STAT5B: variants seen among roughly 807,000 people sequenced by gnomAD.
STAT5B encodes signal transducer and activator of transcription 5B, also known as transcription factor STAT5B.
Under a neutral mutation model 107.8 loss-of-function variants are expected in STAT5B, and 21 were observed. That is an observed-to-expected ratio of 0.19 (90% confidence interval 0.14 to 0.28). The LOEUF (loss-of-function observed/expected upper bound fraction) is 0.28. Ranked by LOEUF, STAT5B falls within the 10% of genes least tolerant of loss-of-function variation. STAT5B has a pLI of 1.00. For missense variants in STAT5B, 565 were observed against 1,008.2 expected (o/e 0.56, Z 5.95); for synonymous variants, 325 against 401.7 (o/e 0.81, Z 2.28).
chr17:42,218,165 G>A lies in STAT5B; in HGVS notation c.1155C>T (p.Asn385=), dbSNP rs750619589. Residue 385 remains asparagine (N), a synonymous_variant, in exon 9 of 19, where the codon AAC becomes AAT. Transcript: ENST00000293328. The stretch of plus-strand genomic sequence containing the variant: ...TGCACAATTACTTGCGGGTGTTCTC[G>A]TTCTTGAGCAGAGACTTGGCCTGCT... ...SEQQAKSLLK[N]ENTRNDYSGE... The A allele has an allele frequency of 2.4e-5, 38 of 1,614,004 alleles. No homozygotes were observed. The East Asian group carries it at 4.9e-4, about 21-fold the overall frequency.
intron 1 of STAT5B, among the ~76,000 whole-genome samples, chr17:42,247,811 C>T (rs571864153): frequency 3.9e-5 from 6 of 151,946 alleles, no homozygotes; most frequent in South Asian, 2.1e-4. Flanking sequence ...AAAGTAGTAG[C>T]GTGTGGTGGC....
At chr17:42,257,564 TG>T (rs1243677079) in intron 1 of STAT5B, among the ~76,000 whole-genome samples, 2 of 152,214 alleles carry the variant, frequency 1.3e-5, no homozygotes, top group Non-Finnish European at 2.9e-5. Context: ...ATTCCAGCTT[TG>T]GTCCAGGACA....
chr17:42,282,241 C>A, the STAT5B span, among the ~76,000 whole-genome samples: 12 of 152,128 alleles, frequency 7.9e-5, no homozygotes, highest in Non-Finnish European at 1.6e-4. Context: ...GCCTGTAATA[C>A]AGATGGGATT....
chr17:42,260,342 C>A (rs1234764477), intron 1 of STAT5B, among the ~76,000 whole-genome samples: 1 of 152,222 alleles, frequency 6.6e-6, no homozygotes, highest in South Asian at 2.1e-4. Flanking sequence ...AAGATACACA[C>A]CAGATTTTGA....
chr17:42,257,305 A>G (rs528341567), intron 1 of STAT5B, among the ~76,000 whole-genome samples: 1 of 152,334 alleles, frequency 6.6e-6, no homozygotes, highest in South Asian at 2.1e-4. Context: ...TGAATCTTAC[A>G]GGTCAATGAC....
At chr17:42,226,876 A>G (rs2144278789) in intron 3 of STAT5B, among the ~76,000 whole-genome samples, 1 of 148,776 alleles carries the variant, frequency 6.7e-6, no homozygotes, top group South Asian at 2.1e-4. Context: ...TATAATTTCA[A>G]CACTTTGGGA....
intron 1 of STAT5B, among the ~76,000 whole-genome samples, chr17:42,242,806 A>G (rs1171946432): frequency 6.6e-6 from 1 of 152,116 alleles, no homozygotes; most frequent in Non-Finnish European, 1.5e-5. Flanking sequence ...TGTCTCTACT[A>G]AAAATACAAA....
At chr17:42,241,619 T>A (rs2080403769) in intron 1 of STAT5B, among the ~76,000 whole-genome samples, 1 of 151,936 alleles carries the variant, frequency 6.6e-6, no homozygotes, top group Non-Finnish European at 1.5e-5. Context: ...ATTTTTGGAT[T>A]TTTAGTAGAG....
chr17:42,217,109 C>T, intron 11 of STAT5B, 51 bp downstream of exon 11: 2 of 1,579,568 alleles, frequency 1.3e-6, no homozygotes, highest in Non-Finnish European at 8.6e-7. Flanking sequence ...ACATAAAGTA[C>T]ACCACACACA....
intron 1 of STAT5B, among the ~76,000 whole-genome samples, chr17:42,246,680 G>A (rs1476765129): frequency 6.6e-6 from 1 of 152,130 alleles, no homozygotes; most frequent in Non-Finnish European, 1.5e-5. Flanking sequence ...TGCAGTCCAA[G>A]CTACTCAGGA....
At chr17:42,273,764 C>T (rs2080740576) in intron 1 of STAT5B, among the ~76,000 whole-genome samples, 2 of 152,062 alleles carry the variant, frequency 1.3e-5, no homozygotes, top group East Asian at 3.9e-4. Flanking sequence ...AACAACAAGC[C>T]AAATAAACCA....
chr17:42,281,462 G>GT (rs1006069524), upstream of STAT5B, among the ~76,000 whole-genome samples: 2 of 152,166 alleles, frequency 1.3e-5, no homozygotes, highest in African/African-American at 4.8e-5. Context: ...AAAATAGACA[G>GT]TTTTTTTAAA....
chr17:42,213,379 G>A (rs2080144713), intron 12 of STAT5B, among the ~76,000 whole-genome samples: 1 of 151,952 alleles, frequency 6.6e-6, no homozygotes, highest in African/African-American at 2.4e-5. Context: ...GCTAATTTGT[G>A]TGTTTTTTGT....
chr17:42,222,562 G>A (rs556442520), intron 5 of STAT5B, among the ~76,000 whole-genome samples: 1 of 152,238 alleles, frequency 6.6e-6, no homozygotes, highest in African/African-American at 2.4e-5. Flanking sequence ...CCCCCTTAGA[G>A]ATAGGGTCTT....
intron 5 of STAT5B, among the ~76,000 whole-genome samples, chr17:42,222,726 G>C (rs944316506): frequency 6.7e-6 from 1 of 148,340 alleles, no homozygotes; most frequent in African/African-American, 2.5e-5. Context: ...TTTTTGTCCA[G>C]GCTGGAGTGC....
the STAT5B span, among the ~76,000 whole-genome samples, chr17:42,287,106 C>T: frequency 6.6e-6 from 1 of 152,162 alleles, no homozygotes; most frequent in Non-Finnish European, 1.5e-5. Context: ...GTTTTCAATT[C>T]CTTTCCTCGT....
chr17:42,203,841 G>C (rs867447906), intron 16 of STAT5B, among the ~76,000 whole-genome samples: 1 of 151,930 alleles, frequency 6.6e-6, no homozygotes, highest in African/African-American at 2.4e-5. Flanking sequence ...TGGTCAGGCT[G>C]GTCTCGAACC....
intron 12 of STAT5B, 63 bp downstream of exon 12, chr17:42,215,951 A>G: frequency 1.3e-6 from 2 of 1,550,634 alleles, no homozygotes; most frequent in South Asian, 1.1e-5. Flanking sequence ...AGGATAATAC[A>G]TAAATGAGAT....
At chr17:42,230,243 T>A (rs948706906) in intron 2 of STAT5B, among the ~76,000 whole-genome samples, 1 of 152,198 alleles carries the variant, frequency 6.6e-6, no homozygotes, top group Non-Finnish European at 1.5e-5. Flanking sequence ...AATTTGCTAC[T>A]AACACGCATT....
Sources: gnomAD v4.1 joint callset for allele counts (sites outside exome capture counted in the v4.1 genomes callset) on GRCh38, gnomAD v4.1.1 for gene constraint, MANE v1.5 for transcripts, NCBI Gene and HGNC (gene_info 2026-07-23, HGNC 2026-07-21) for gene names.